Variants in CD300A observed in about 807,000 individuals in gnomAD.
The protein encoded by CD300A is CD300a molecule.
CD300A carries 22 observed loss-of-function variants against 33.6 expected under a neutral mutation model. The ratio of observed to expected loss-of-function variants is 0.66; its 90% CI spans 0.47 to 0.94. CD300A has a LOEUF of 0.94. Ranked by LOEUF, CD300A falls within the 40% of genes least tolerant of loss-of-function variation. The pLI is 0.00. For synonymous variants in CD300A, 136 were observed against 148.1 expected (o/e 0.92, Z 0.59); for missense variants, 326 against 360.5 (o/e 0.90, Z 0.77).
chr17:74,467,660 C>T (rs1031860801), intron 1 of CD300A, among the ~76,000 whole-genome samples: 4 of 152,152 alleles, frequency 2.6e-5, no homozygotes, highest in African/African-American at 7.2e-5. Context: ...CCTTACAGAT[C>T]GGAGGTTTTC....
chr17:74,477,846 T>A (rs1906579666), intron 4 of CD300A, among the ~76,000 whole-genome samples: 1 of 152,084 alleles, frequency 6.6e-6, no homozygotes, highest in Non-Finnish European at 1.5e-5. Context: ...TGTGCATCTG[T>A]AGTTCCAGCT....
At chr17:74,473,507 G>T in intron 1 of CD300A, 29 bp from the exon 2 acceptor site, 1 of 1,589,554 alleles carries the variant, frequency 6.3e-7, no homozygotes, top group East Asian at 2.2e-5. Context: ...ATCTGAGGAG[G>T]AGCTGGGACT....
Position 74,481,406 on chromosome 17 carries a change from C to T in CD300A, c.666+80C>T, listed in dbSNP as rs558592213. On this transcript the variant is annotated intron_variant, in intron 5 of 6. Transcript: ENST00000360141. Reference sequence around the variant, plus strand: ...CTGCTGGGGAGTTGGACAGTCCCATCGGCCAACGGAGGTTGGATGGAGCGG... The same window carrying T: ...CTGCTGGGGAGTTGGACAGTCCCATTGGCCAACGGAGGTTGGATGGAGCGG... 75 of 1,333,590 alleles carry T rather than the reference C, an allele frequency of 5.6e-5. 1 individual carries two copies. The highest frequency in any genetic ancestry group is 4.4e-4 in the South Asian group (37 of 83,806). 82.6% of individuals were successfully genotyped at this position (1,333,590 alleles called of 1,614,324 possible).
chr17:74,477,595 A>C, intron 4 of CD300A, 65 bp downstream of exon 4: 7 of 1,038,308 alleles, frequency 6.7e-6, no homozygotes, highest in South Asian at 1.3e-5. Context: ...ACAGACGCTC[A>C]TCTTCAAAGC....
chr17:74,473,351 C>T (rs777191673), intron 1 of CD300A, among the ~76,000 whole-genome samples, 185 bp from the exon 2 acceptor site: 1 of 152,082 alleles, frequency 6.6e-6, no homozygotes, highest in Non-Finnish European at 1.5e-5. Context: ...TGGAAAGCCT[C>T]TGCCCCATTC....
At position 74,484,025 on chromosome 17, in the gene CD300A, T is replaced by C. The variant is rs2144549013; in HGVS notation, c.799T>C (p.Tyr267His). ...GGCCTCCCCCAGGGAAGAACTTCAC[T>C]ATGCCTCGGTGGTGTTTGATTCTAA... The part of the protein sequence containing the change: ...TVASPREELH[Y>H]ASVVFDSNTN... The change falls in exon 7 of 7, where the codon TAT becomes CAT. Residue 267 changes from tyrosine to histidine, a missense_variant. Coordinates refer to ENST00000360141, the MANE Select transcript of CD300A (RefSeq NM_007261.4). 6 of 1,613,998 alleles carry C rather than the reference T, an allele frequency of 3.7e-6. No individual in the cohort carries two copies. In the East Asian group the frequency reaches 1.3e-4, roughly 36 times the overall value.
Position 74,477,531 on chromosome 17 carries a change from G to A in CD300A, c.628+1G>A. 2 of 1,611,202 alleles carry A rather than the reference G, an allele frequency of 1.2e-6. No individual in the cohort carries two copies. The highest frequency in any genetic ancestry group is 1.7e-6 in the Non-Finnish European group (2 of 1,178,292). On this transcript the variant is annotated splice_donor_variant, in intron 4 of 6. Transcript: ENST00000360141. LOFTEE classifies it high-confidence loss of function. ...AGGATGTTTCAGAAATGGATCAAAGGTGAGTTGGCTCCCCACACCCCTCTG... is the reference window on the plus strand; with the variant it reads ...AGGATGTTTCAGAAATGGATCAAAGATGAGTTGGCTCCCCACACCCCTCTG...
chr17:74,468,959 A>G (rs1905909177), intron 1 of CD300A, among the ~76,000 whole-genome samples: 1 of 152,270 alleles, frequency 6.6e-6, no homozygotes, highest in African/African-American at 2.4e-5. Context: ...AGAAATTATT[A>G]TTATTATTAT....
At chr17:74,467,818 T>C (rs1247406058) in intron 1 of CD300A, among the ~76,000 whole-genome samples, 2 of 152,132 alleles carry the variant, frequency 1.3e-5, no homozygotes, top group African/African-American at 4.8e-5. Context: ...CATGGGAAGG[T>C]TTCAGTTCCT....
chr17:74,476,671 G>T (rs1486837882), intron 3 of CD300A, among the ~76,000 whole-genome samples: 1 of 152,208 alleles, frequency 6.6e-6, no homozygotes, highest in African/African-American at 2.4e-5. Context: ...AGGTGGAGCT[G>T]CAAGGCGATT....
At chr17:74,470,274 AC>A in intron 1 of CD300A, 1 of 960,080 alleles carries the variant, frequency 1.0e-6, no homozygotes, top group Admixed American at 7.4e-5. Context: ...GGGTTTTCTG[AC>A]ACTTCGCAAT....
Position 74,484,225 on chromosome 17 carries a change from A to G in CD300A, c.*99A>G. On this transcript the variant is annotated 3_prime_UTR_variant, in exon 7 of 7. Coordinates refer to ENST00000360141, the MANE Select transcript of CD300A (RefSeq NM_007261.4). Reference sequence around the variant, plus strand: ...CCACGTCCTTCTCAGCCTGCCCTCGACAACAGTGACCAACAGACAGGCAGC... The same window carrying G: ...CCACGTCCTTCTCAGCCTGCCCTCGGCAACAGTGACCAACAGACAGGCAGC... The G allele has an allele frequency of 7.6e-7, 1 of 1,321,982 alleles. No individual in the cohort carries two copies. Among genetic ancestry groups the G allele is most frequent in the Non-Finnish European group, 1.0e-6 (1 of 952,672 alleles). 81.9% of individuals were successfully genotyped at this position (1,321,982 alleles called of 1,614,324 possible).
At chr17:74,471,753 A>G (rs1906114597) in intron 1 of CD300A, among the ~76,000 whole-genome samples, 1 of 151,992 alleles carries the variant, frequency 6.6e-6, no homozygotes, top group Admixed American at 6.6e-5. Context: ...ACTCTGGGAG[A>G]GGCACAGAGG....
chr17:74,484,060 G>T lies in CD300A; in HGVS notation c.834G>T (p.Arg278Ser), dbSNP rs1004160329. The T allele has an allele frequency of 3.1e-6, 5 of 1,613,942 alleles. No individual in the cohort carries two copies. Among genetic ancestry groups the T allele is most frequent in the African/African-American group, 1.3e-5 (1 of 74,894 alleles). ...ASVVFDSNTNRIAAQRPREEE... is the reference protein window; with the variant it reads ...ASVVFDSNTNSIAAQRPREEE... Reference sequence around the variant, plus strand: ...TGGTGTTTGATTCTAACACCAACAGGATAGCTGCTCAGAGGCCTCGGGAGG... The same window carrying T: ...TGGTGTTTGATTCTAACACCAACAGTATAGCTGCTCAGAGGCCTCGGGAGG... Residue 278 changes from arginine (R) to serine (S), a missense_variant, in exon 7 of 7, where the codon AGG becomes AGT. Physicochemically the swap from Arg to Ser is moderately radical, Grantham distance 110 (BLOSUM62 -1). Transcript: ENST00000360141.
chr17:74,481,797 A>G lies in CD300A; in HGVS notation c.738A>G (p.Ala246=). 6.2e-7 allele frequency: 1 copy of G among 1,612,910 alleles called. No homozygotes were observed. The highest frequency in any genetic ancestry group is 1.1e-5 in the South Asian group (1 of 90,812). ...TGTGGCCTCTGCAGGAAAAGCCAGC[A>G]CCACCAAGGGAGGTGGAGGTGGAAT... is the stretch of plus-strand genomic sequence containing the variant. The part of the protein sequence containing the change: ...LLMWPLQEKP[A]PPREVEVEYS... Residue 246 remains alanine (A), a synonymous_variant, in exon 6 of 7, where the codon GCA becomes GCG. Coordinates refer to ENST00000360141, the MANE Select transcript of CD300A (RefSeq NM_007261.4).
In CD300A at chr17:74,466,649, G is replaced by A. The variant is rs941120684; in HGVS notation, c.-55G>A. 4 of 1,558,924 alleles carry A rather than the reference G, an allele frequency of 2.6e-6. No individual in the cohort carries two copies. Among genetic ancestry groups the A allele is most frequent in the Admixed American group, 3.8e-5 (2 of 52,304 alleles). Reference sequence around the variant, plus strand: ...CCTTGGAGGCGTGACTTTCCCCTCGGGTCCAGGTAGGGCCTGGAGCTGCTG... The same window carrying A: ...CCTTGGAGGCGTGACTTTCCCCTCGAGTCCAGGTAGGGCCTGGAGCTGCTG... On this transcript the variant is annotated 5_prime_UTR_variant, in exon 1 of 7. Transcript: ENST00000360141.
At chr17:74,477,636 AT>A in intron 4 of CD300A, 106 bp downstream of exon 4, 1 of 661,458 alleles carries the variant, frequency 1.5e-6, no homozygotes, top group Non-Finnish European at 2.6e-6. Flanking sequence ...TTGCTATGAC[AT>A]GTGACACCCA....
chr17:74,472,130 C>T (rs1385517592), intron 1 of CD300A, among the ~76,000 whole-genome samples: 1 of 151,288 alleles, frequency 6.6e-6, no homozygotes, highest in African/African-American at 2.4e-5. Context: ...CCTAGCTACT[C>T]GGTAGGCTGA....
intron 1 of CD300A, 98 bp from the exon 2 acceptor site, chr17:74,473,438 C>T: frequency 8.6e-7 from 1 of 1,164,560 alleles, no homozygotes; most frequent in Non-Finnish European, 1.2e-6. Context: ...CTGCCGCTGC[C>T]TCCTCCACAC....
Sources: allele counts gnomAD v4.1 joint callset (sites outside exome capture counted in the v4.1 genomes callset), GRCh38; gene constraint gnomAD v4.1.1; transcripts MANE v1.5; gene names NCBI Gene and HGNC (gene_info 2026-07-23, HGNC 2026-07-21).